RELCH: variants seen among roughly 807,000 people sequenced by gnomAD.
RELCH encodes RAB11 binding and LisH domain, coiled-coil and HEAT repeat containing.
Under a neutral mutation model 150.3 loss-of-function variants are expected in RELCH, and 41 were observed. The observed-to-expected ratio is 0.27, with a 90% CI of 0.21 to 0.35. The LOEUF (loss-of-function observed/expected upper bound fraction) is 0.35. Ranked by LOEUF, RELCH falls within the 10% of genes least tolerant of loss-of-function variation. The pLI is 1.00. For missense variants in RELCH, 1,092 were observed against 1,467.8 expected, an observed-to-expected ratio of 0.74 and a Z score of 4.18; for synonymous variants, 478 against 531.8, an observed-to-expected ratio of 0.90 and a Z score of 1.39.
At chr18:62,194,121 G>A (rs2038851032) in intron 1 of RELCH, among the ~76,000 whole-genome samples, 1 of 152,090 alleles carries the variant, frequency 6.6e-6, no homozygotes, top group Non-Finnish European at 1.5e-5. Flanking sequence ...GGTGGCCTAT[G>A]CCTGTGGTCC....
chr18:62,255,226 T>C (rs1449423169), intron 12 of RELCH, among the ~76,000 whole-genome samples, 181 bp from the exon 13 acceptor site: 16 of 152,090 alleles, frequency 1.1e-4, no homozygotes. Context: ...TAACCTCATA[T>C]TTAGGTTCTC....
chr18:62,209,823 AT>A (rs142862324), intron 1 of RELCH, among the ~76,000 whole-genome samples: 6,620 of 152,126 alleles, frequency 0.044, 172 homozygotes, highest in South Asian at 0.073. Flanking sequence ...TACTGTATAC[AT>A]TTTGCATGTT....
intron 21 of RELCH, 94 bp downstream of exon 21, chr18:62,274,180 T>G (rs2044067125): frequency 1.4e-6 from 1 of 735,482 alleles, no homozygotes; most frequent in Non-Finnish European, 2.3e-6. Context: ...AGAGTTGACA[T>G]GCACACCAAT....
At chr18:62,213,045 G>A (rs1169842759) in intron 2 of RELCH, among the ~76,000 whole-genome samples, 1 of 152,118 alleles carries the variant, frequency 6.6e-6, no homozygotes, top group Non-Finnish European at 1.5e-5. Context: ...ATCATTTATT[G>A]ACAACTGTAT....
Position 62,187,864 on chromosome 18 carries a change from G to A in RELCH, c.359G>A (p.Ser120Asn). ...ALELHTELLE[S>N]GRELPRLRDY... ...GAGCTGCATACCGAGCTGTTAGAGAGTGGCCGGGAGCTGCCTCGGCTGCGC... is the reference window on the plus strand; with the variant it reads ...GAGCTGCATACCGAGCTGTTAGAGAATGGCCGGGAGCTGCCTCGGCTGCGC... The change falls in exon 1 of 29, where the codon AGT (serine) becomes AAT (asparagine). Residue 120 changes from serine to asparagine, a missense_variant. Physicochemically the swap from Ser to Asn is conservative, Grantham distance 46. Coordinates refer to ENST00000644646, the MANE Select transcript of RELCH (RefSeq NM_001346231.2). 6.3e-7 allele frequency: 1 copy of A among 1,593,824 alleles called. No individual in the cohort carries two copies. The highest frequency in any genetic ancestry group is 8.5e-7 in the Non-Finnish European group (1 of 1,170,626).
intron 20 of RELCH, among the ~76,000 whole-genome samples, chr18:62,270,702 C>T (rs55792481): frequency 0.16 from 24,730 of 151,820 alleles, 2,698 homozygotes; most frequent in Middle Eastern, 0.28. Flanking sequence ...CGTTCAAGTT[C>T]GTTACATCGG....
chr18:62,187,394 C>G lies in RELCH; in HGVS notation c.-112C>G. 1 of 1,027,188 alleles carries G rather than the reference C, an allele frequency of 9.7e-7. No homozygotes were observed. Among genetic ancestry groups the G allele is most frequent in the Non-Finnish European group, 1.3e-6 (1 of 743,830 alleles). The allele number at this position is 1,027,188 out of a possible 1,614,324, so 63.6% of individuals were successfully genotyped here. On this transcript the variant is annotated 5_prime_UTR_variant, in exon 1 of 29. Coordinates refer to ENST00000644646, the MANE Select transcript of RELCH (RefSeq NM_001346231.2). Reference sequence around the variant, plus strand: ...CTTGTCTCTAAGTCGGGAGGCAGGACGTGGTCAGGCCGGGGCTGTGGAGGT... The same window carrying G: ...CTTGTCTCTAAGTCGGGAGGCAGGAGGTGGTCAGGCCGGGGCTGTGGAGGT...
At chr18:62,207,705 T>G (rs1410860531) in intron 1 of RELCH, among the ~76,000 whole-genome samples, 1 of 152,242 alleles carries the variant, frequency 6.6e-6, no homozygotes, top group Non-Finnish European at 1.5e-5. Flanking sequence ...TTCACCCTTT[T>G]AAAGTGTACA....
rs1438237514 is a variant in RELCH at position 62,231,279 on chromosome 18, A to T, written c.1524+10A>T. The T allele has an allele frequency of 1.3e-6, 2 of 1,550,402 alleles. No homozygotes were observed. The highest frequency in any genetic ancestry group is 2.7e-5 in the African/African-American group (2 of 73,332). ...TCGTTTAGGATACGAGGTAAATTAT[A>T]CCACCTATTTCCACAACTTTTTAAA... On this transcript the variant is annotated intron_variant, in intron 9 of 28. Coordinates refer to ENST00000644646, the MANE Select transcript of RELCH (RefSeq NM_001346231.2).
At chr18:62,275,119 G>T (rs2044125245) in intron 21 of RELCH, among the ~76,000 whole-genome samples, 1 of 152,146 alleles carries the variant, frequency 6.6e-6, no homozygotes, top group South Asian at 2.1e-4. Context: ...GTTTCACCAT[G>T]TTGGCCAGGA....
Position 62,255,391 on chromosome 18 carries a change from ATTTT to A in RELCH, c.1825-11_1825-8del, listed in dbSNP as rs568221445. The A allele has an allele frequency of 1.3e-6, 2 of 1,574,324 alleles. No homozygotes were observed. Among genetic ancestry groups the A allele is most frequent in the African/African-American group, 2.7e-5 (2 of 73,786 alleles). On this transcript the variant is annotated splice_polypyrimidine_tract_variant and intron_variant, in intron 12 of 28. Coordinates refer to ENST00000644646, the MANE Select transcript of RELCH (RefSeq NM_001346231.2). ...TATGCTGTTTATGCTTGATTTATTT[ATTTT>A]TTTTGCTCTAGATTAATCACAAATA...
chr18:62,202,028 TTAG>T (rs1366950450), intron 1 of RELCH, among the ~76,000 whole-genome samples: 1 of 152,216 alleles, frequency 6.6e-6, no homozygotes, highest in African/African-American at 2.4e-5. Context: ...TATAATAGGT[TTAG>T]TTCTCAGACT....
At chr18:62,217,286 C>G (rs2040538044) in intron 2 of RELCH, among the ~76,000 whole-genome samples, 1 of 151,816 alleles carries the variant, frequency 6.6e-6, no homozygotes, top group Non-Finnish European at 1.5e-5. Flanking sequence ...TTTAGAAAAT[C>G]ATGGTTTTCT....
intron 8 of RELCH, among the ~76,000 whole-genome samples, chr18:62,229,641 T>G (rs1488860380): frequency 6.6e-6 from 1 of 151,918 alleles, no homozygotes; most frequent in African/African-American, 2.4e-5. Flanking sequence ...AGTAGTATAA[T>G]AAAATAAGTC....
At chr18:62,268,297 G>A (rs571734949) in intron 19 of RELCH, among the ~76,000 whole-genome samples, 1 of 152,062 alleles carries the variant, frequency 6.6e-6, no homozygotes, top group African/African-American at 2.4e-5. Context: ...CAGTTACAGG[G>A]CACAGAACTA....
intron 12 of RELCH, 103 bp downstream of exon 12, chr18:62,252,857 A>C: frequency 2.5e-6 from 2 of 792,876 alleles, no homozygotes; most frequent in Non-Finnish European, 4.2e-6. Context: ...GTGGGATATA[A>C]ATTATGCTGA....
At chr18:62,291,760 A>G (rs574315585) in intron 27 of RELCH, 129 bp downstream of exon 27, 22 of 618,738 alleles carry the variant, frequency 3.6e-5, no homozygotes, top group Admixed American at 7.0e-5. Flanking sequence ...CATTTTATCG[A>G]TTTATTTACT....
At chr18:62,257,756 T>G (rs1331165415) in intron 13 of RELCH, among the ~76,000 whole-genome samples, 192 bp from the exon 14 acceptor site, 1 of 151,970 alleles carries the variant, frequency 6.6e-6, no homozygotes. Context: ...TTGCTGTATC[T>G]GTAATGTTTT....
chr18:62,202,867 A>C (rs944066687), intron 1 of RELCH, among the ~76,000 whole-genome samples: 1 of 152,236 alleles, frequency 6.6e-6, no homozygotes, highest in Non-Finnish European at 1.5e-5. Flanking sequence ...ACATTCTATT[A>C]AAATCAGGAA....
Sources: gnomAD v4.1 joint callset for allele counts (sites outside exome capture counted in the v4.1 genomes callset) on GRCh38, gnomAD v4.1.1 for gene constraint, MANE v1.5 for transcripts, NCBI Gene and HGNC (gene_info 2026-07-23, HGNC 2026-07-21) for gene names.